The following ERC2 variants were observed in gnomAD, a reference collection of about 807,000 sequenced individuals.
ERC2 encodes ELKS/RAB6-interacting/CAST family member 2, also known as ERC protein 2.
ERC2 carries 42 observed loss-of-function variants against 114.8 expected under a neutral mutation model. The observed-to-expected ratio is 0.37, with a 90% CI of 0.29 to 0.47. The LOEUF is 0.47. Ranked by LOEUF, ERC2 falls within the 20% of genes least tolerant of loss-of-function variation. ERC2 has a pLI of 0.99. For synonymous variants in ERC2, 454 were observed against 425.5 expected (o/e 1.07, Z -0.82); for missense variants, 939 against 1,150.7 (o/e 0.82, Z 2.66).
At chr3:55,566,902 T>C (rs993146121) in intron 17 of ERC2, among the ~76,000 whole-genome samples, 3 of 152,294 alleles carry the variant, frequency 2.0e-5, no homozygotes, top group Admixed American at 6.5e-5. Context: ...GGTTTCACCA[T>C]GCTGGCCAGG....
chr3:55,665,710 G>A (rs2061332667), intron 17 of ERC2, among the ~76,000 whole-genome samples: 1 of 152,192 alleles, frequency 6.6e-6, no homozygotes, highest in Non-Finnish European at 1.5e-5. Flanking sequence ...GCAGAACCTT[G>A]TTATGGCAGC....
intron 2 of ERC2, among the ~76,000 whole-genome samples, chr3:56,300,607 T>G (rs1364746531): frequency 6.6e-6 from 1 of 152,236 alleles, no homozygotes; most frequent in Non-Finnish European, 1.5e-5. Context: ...AGCAAAAATC[T>G]GTATATCATT....
chr3:56,276,377 A>G (rs2053988860), intron 3 of ERC2, among the ~76,000 whole-genome samples: 1 of 151,070 alleles, frequency 6.6e-6, no homozygotes, highest in South Asian at 2.1e-4. Context: ...ATTCAGCATT[A>G]GCTCCTGAAA....
At chr3:55,679,257 C>A (rs1043146004) in intron 17 of ERC2, among the ~76,000 whole-genome samples, 1 of 152,140 alleles carries the variant, frequency 6.6e-6, no homozygotes, top group Non-Finnish European at 1.5e-5. Context: ...AACTCCTTCC[C>A]ACCTCCAGCT....
intron 17 of ERC2, chr3:55,612,842 G>C (rs1486542067): frequency 2.0e-5 from 3 of 152,148 alleles, no homozygotes; most frequent in Non-Finnish European, 4.4e-5. Flanking sequence ...CCCTGCAACT[G>C]TTACAGTAAA....
chr3:56,457,834 C>T (rs948514610), intron 1 of ERC2, among the ~76,000 whole-genome samples: 6 of 152,166 alleles, frequency 3.9e-5, no homozygotes, highest in Non-Finnish European at 8.8e-5. Flanking sequence ...TCCATTTACC[C>T]TTCAGTGACA....
chr3:55,840,604 A>G (rs971127497), intron 14 of ERC2, among the ~76,000 whole-genome samples: 2 of 152,064 alleles, frequency 1.3e-5, no homozygotes, highest in African/African-American at 4.8e-5. Context: ...ACCCTACCAT[A>G]TGACTCAGTT....
rs115084884 is a variant in ERC2 at position 55,645,428 on chromosome 3, C to T, written c.*39+38366G>A. ...ACATCCAATCCCTCACTTTGAAGCC[C>T]TTGGGCTGTCATCATGCTTATTGGC... On this transcript the variant is annotated intron_variant, in intron 17 of 17. Coordinates refer to ENST00000288221, the MANE Select transcript of ERC2 (RefSeq NM_015576.3). 3.2e-3 allele frequency among the ~76,000 whole-genome samples: 491 copies of T among 152,306 alleles called. 2 individuals carry two copies. Among genetic ancestry groups the T allele is most frequent in the African/African-American group, 0.011 (474 of 41,560 alleles).
At chr3:56,464,857 T>G (rs1356635329) in intron 1 of ERC2, among the ~76,000 whole-genome samples, 1 of 151,232 alleles carries the variant, frequency 6.6e-6, no homozygotes, top group Non-Finnish European at 1.5e-5. Flanking sequence ...AAATGTTAAC[T>G]GGTTAGAGGA....
chr3:56,320,664 GA>G (rs2057087430), intron 2 of ERC2, among the ~76,000 whole-genome samples: 1 of 150,886 alleles, frequency 6.6e-6, no homozygotes, highest in East Asian at 1.9e-4. Flanking sequence ...TGTACATCAA[GA>G]AAAAAAATAA....
At chr3:56,177,282 A>G (rs1387602834) in intron 3 of ERC2, among the ~76,000 whole-genome samples, 1 of 152,194 alleles carries the variant, frequency 6.6e-6, no homozygotes, top group African/African-American at 2.4e-5. Context: ...CAAATTTTCT[A>G]AACAGACAGT....
chr3:56,229,120 G>A (rs1474114376), intron 3 of ERC2, among the ~76,000 whole-genome samples: 2 of 152,100 alleles, frequency 1.3e-5, no homozygotes, highest in Non-Finnish European at 2.9e-5. Flanking sequence ...TTTACCAAGT[G>A]CCAGGCATTA....
At chr3:56,034,755 TTAAAAATATATTGAAACAAA>T (rs2074684996) in intron 7 of ERC2, among the ~76,000 whole-genome samples, 2 of 151,946 alleles carry the variant, frequency 1.3e-5, no homozygotes, top group Admixed American at 1.3e-4. Flanking sequence ...AAAGGGAAAT[TTAAAAATATATTGAAACAAA>T]TAAAAATGGA....
chr3:56,246,725 T>C (rs371423918), intron 3 of ERC2, among the ~76,000 whole-genome samples: 2 of 152,214 alleles, frequency 1.3e-5, no homozygotes, highest in African/African-American at 4.8e-5. Flanking sequence ...TCTGAAATTG[T>C]TCAAAGTCAA....
intron 13 of ERC2, among the ~76,000 whole-genome samples, chr3:55,935,462 T>C (rs2149411635): frequency 6.6e-6 from 1 of 152,326 alleles, no homozygotes; most frequent in African/African-American, 2.4e-5. Flanking sequence ...GTGCATTTGC[T>C]GAATAGCTCA....
intron 13 of ERC2, among the ~76,000 whole-genome samples, chr3:55,925,190 G>T (rs1384092714): frequency 6.6e-6 from 1 of 152,174 alleles, no homozygotes; most frequent in Non-Finnish European, 1.5e-5. Flanking sequence ...GCAAAATGGG[G>T]ATGAGAGTTA....
Position 56,213,543 on chromosome 3 carries a change from C to A in ERC2, c.1075-40023G>T, listed in dbSNP as rs6445772. Among the ~76,000 whole-genome samples the A allele has an allele frequency of 2.6e-5, 4 of 152,134 alleles. No homozygotes were observed. In the East Asian group the frequency reaches 5.8e-4, roughly 22 times the overall value. ...AAGCTCGAACTGGGTGGAGCCCATC[C>A]CAGCTCAAGGAGGCCTGCCTGCCTC... On this transcript the variant is annotated intron_variant, in intron 3 of 17. Coordinates refer to ENST00000288221, the MANE Select transcript of ERC2 (RefSeq NM_015576.3).
chr3:56,425,634 A>G (rs2061543584), intron 2 of ERC2, among the ~76,000 whole-genome samples: 1 of 149,962 alleles, frequency 6.7e-6, no homozygotes, highest in Admixed American at 6.7e-5. Context: ...GTCTTGCCCA[A>G]ATTAATTAGT....
chr3:55,633,744 G>A (rs575182832), intron 17 of ERC2, among the ~76,000 whole-genome samples: 2 of 152,290 alleles, frequency 1.3e-5, no homozygotes, highest in Admixed American at 6.5e-5. Context: ...ATTCTGCTGA[G>A]TCCAGGAAGA....
Sources: allele counts gnomAD v4.1 joint callset (sites outside exome capture counted in the v4.1 genomes callset), GRCh38; gene constraint gnomAD v4.1.1; transcripts MANE v1.5; gene names NCBI Gene and HGNC (gene_info 2026-07-23, HGNC 2026-07-21).